Variants in ADD1 observed in about 807,000 individuals in gnomAD.
The protein encoded by ADD1 is adducin 1.
Under a neutral mutation model 80.5 loss-of-function variants are expected in ADD1, and 24 were observed. The observed-to-expected ratio is 0.30, with a 90% CI of 0.22 to 0.42. The LOEUF is 0.42. ADD1 is among the 10% of genes least tolerant of loss of function. The pLI, the probability that ADD1 is intolerant of heterozygous loss-of-function variation, is 1.00. For missense variants in ADD1, 948 were observed against 1,019.0 expected (o/e 0.93, Z 0.95); for synonymous variants, 373 against 393.8 (o/e 0.95, Z 0.63).
At chr4:2,874,782 C>A (rs1256075338) in intron 1 of ADD1, among the ~76,000 whole-genome samples, 1 of 152,026 alleles carries the variant, frequency 6.6e-6, no homozygotes, top group African/African-American at 2.4e-5. Flanking sequence ...ATAAACTCTA[C>A]TTTATAGGCT....
chr4:2,872,655 C>G, intron 1 of ADD1, among the ~76,000 whole-genome samples: 1 of 152,264 alleles, frequency 6.6e-6, no homozygotes, highest in Middle Eastern at 3.4e-3. Context: ...CCTCCCAGGT[C>G]GAGTGATCCT....
At chr4:2,855,215 A>C (rs1577433688) in intron 1 of ADD1, among the ~76,000 whole-genome samples, 1 of 152,212 alleles carries the variant, frequency 6.6e-6, no homozygotes, top group South Asian at 2.1e-4. Context: ...CATTATTCAG[A>C]CCTGTTAACT....
intron 1 of ADD1, among the ~76,000 whole-genome samples, chr4:2,871,863 A>G (rs1187849945): frequency 6.6e-6 from 1 of 152,190 alleles, no homozygotes; most frequent in Non-Finnish European, 1.5e-5. Context: ...CTAGTGTTCA[A>G]ATTTCTAGTT....
At chr4:2,869,389 C>G (rs1340837513) in intron 1 of ADD1, among the ~76,000 whole-genome samples, 1 of 152,202 alleles carries the variant, frequency 6.6e-6, no homozygotes. Flanking sequence ...ACTTAGTTCT[C>G]CCTGTGCGTG....
chr4:2,845,147 A>G (rs760917272), intron 1 of ADD1, among the ~76,000 whole-genome samples: 2 of 151,964 alleles, frequency 1.3e-5, no homozygotes, highest in Non-Finnish European at 2.9e-5. Context: ...ATCTCCAGTC[A>G]CTGCAATCTC....
chr4:2,874,274 G>A (rs1018981249), intron 1 of ADD1, among the ~76,000 whole-genome samples: 27 of 152,130 alleles, frequency 1.8e-4, no homozygotes, highest in African/African-American at 5.8e-4. Context: ...CTATGTTGAT[G>A]TTTAGTCCCC....
At chr4:2,870,491 A>G (rs376747829) in intron 1 of ADD1, among the ~76,000 whole-genome samples, 2 of 152,334 alleles carry the variant, frequency 1.3e-5, no homozygotes, top group East Asian at 1.9e-4. Flanking sequence ...ATAATGCAAC[A>G]GAGAGTGCTG....
intron 14 of ADD1, among the ~76,000 whole-genome samples, chr4:2,924,484 T>C (rs1272676463): frequency 9.2e-5 from 14 of 152,232 alleles, no homozygotes; most frequent in Admixed American, 5.2e-4. Context: ...AGGTTTTTAC[T>C]GAAACCTCAG....
At chr4:2,891,710 G>C (rs1472310989) in intron 4 of ADD1, among the ~76,000 whole-genome samples, 1 of 152,156 alleles carries the variant, frequency 6.6e-6, no homozygotes, top group Non-Finnish European at 1.5e-5. Flanking sequence ...GAAAACAGGA[G>C]CTCAGGGTGC....
intron 1 of ADD1, among the ~76,000 whole-genome samples, chr4:2,866,909 A>ATATATATATTATAT (rs1729639414): frequency 2.0e-5 from 3 of 152,118 alleles, no homozygotes; most frequent in Non-Finnish European, 2.9e-5. Flanking sequence ...CATCTCTACA[A>ATATATATATTATAT]AAAATATAAT....
intron 1 of ADD1, among the ~76,000 whole-genome samples, chr4:2,850,503 G>A (rs1291576047): frequency 1.3e-5 from 2 of 152,114 alleles, no homozygotes; most frequent in Non-Finnish European, 2.9e-5. Context: ...TTGGCTCACT[G>A]CAAGCTCTGC....
chr4:2,877,259 AT>A (rs1288353241), intron 2 of ADD1, among the ~76,000 whole-genome samples: 4 of 151,954 alleles, frequency 2.6e-5, no homozygotes, highest in Non-Finnish European at 5.9e-5. Flanking sequence ...GTGCCCCTTC[AT>A]ACCAGGGGAG....
At chr4:2,864,290 G>A (rs915315912) in intron 1 of ADD1, among the ~76,000 whole-genome samples, 1 of 152,164 alleles carries the variant, frequency 6.6e-6, no homozygotes, top group Non-Finnish European at 1.5e-5. Flanking sequence ...GCGTGTGCCC[G>A]TAGTCCCAGC....
At chr4:2,852,234 T>TCTTTCCTTTCTTTCCTTTCTTTC (rs780801675) in intron 1 of ADD1, among the ~76,000 whole-genome samples, 37 of 142,768 alleles carry the variant, frequency 2.6e-4, no homozygotes, top group African/African-American at 9.9e-4. Flanking sequence ...TTCTTTCCTT[T>TCTTTCCTTTCTTTCCTTTCTTTC]CTTTCTTTCT....
chr4:2,919,959 T>G (rs1188067709), intron 14 of ADD1, among the ~76,000 whole-genome samples: 1 of 152,254 alleles, frequency 6.6e-6, no homozygotes, highest in Non-Finnish European at 1.5e-5. Context: ...CTTTCCCTCT[T>G]TCTCCTGTGG....
intron 12 of ADD1, 170 bp from the exon 13 acceptor site, chr4:2,909,169 G>T: frequency 1.6e-6 from 1 of 621,648 alleles, no homozygotes. Context: ...TTGTCCAGCC[G>T]TGGTCCTGGT....
intron 12 of ADD1, 49 bp downstream of exon 12, chr4:2,908,653 C>A: frequency 6.8e-7 from 1 of 1,462,750 alleles, no homozygotes; most frequent in Non-Finnish European, 9.6e-7. Context: ...GCTGTGTGAC[C>A]GCCTGCTCCA....
intron 14 of ADD1, among the ~76,000 whole-genome samples, chr4:2,923,735 G>A (rs542984903): frequency 2.0e-5 from 3 of 152,388 alleles, no homozygotes; most frequent in East Asian, 3.9e-4. Context: ...CATGCCCAGT[G>A]CTATTGTGCG....
Position 2,928,365 on chromosome 4 carries a change from GC to G in ADD1, c.2246del (p.Pro749ArgfsTer42). 1 of 1,613,428 alleles carries G rather than the reference GC, an allele frequency of 6.2e-7. No individual in the cohort carries two copies. Among genetic ancestry groups the G allele is most frequent in the Non-Finnish European group, 8.5e-7 (1 of 1,179,848 alleles). ...EASPEPAPDP[A>X]PVAEEAAPSA... Reference sequence around the variant, plus strand: ...CAGCCCCGAGCCAGCCCCAGACCCAGCCCCGGTGGCTGAAGAGGCTGCCCCC... The same window carrying G: ...CAGCCCCGAGCCAGCCCCAGACCCAGCCCGGTGGCTGAAGAGGCTGCCCCC... On this transcript the variant is annotated frameshift_variant, in exon 16 of 16. Transcript: ENST00000683351. LOFTEE classifies it high-confidence loss of function.
Sources: gnomAD v4.1 joint callset for allele counts (sites outside exome capture counted in the v4.1 genomes callset) on GRCh38, gnomAD v4.1.1 for gene constraint, MANE v1.5 for transcripts, NCBI Gene and HGNC (gene_info 2026-07-23, HGNC 2026-07-21) for gene names.